Variants in FAM117B observed in about 807,000 individuals in gnomAD.
The protein encoded by FAM117B is family with sequence similarity 117 member B, also known as protein FAM117B.
A neutral mutation model predicts 52.8 loss-of-function variants in FAM117B; 22 were observed. That is an observed-to-expected ratio of 0.42 (90% CI 0.30 to 0.59). The LOEUF is 0.59. Ranked by LOEUF, FAM117B falls within the 20% of genes least tolerant of loss-of-function variation. FAM117B has a pLI of 0.22. For missense variants in FAM117B, 678 were observed against 802.6 expected, an observed-to-expected ratio of 0.84 and a Z score of 1.88; for synonymous variants, 309 against 324.1, an observed-to-expected ratio of 0.95 and a Z score of 0.50.
chr2:202,715,454 C>T lies in FAM117B; in HGVS notation c.754-9463C>T, dbSNP rs186780437. Among the ~76,000 whole-genome samples the T allele has an allele frequency of 2.1e-3, 314 of 150,466 alleles. 1 individual carries two copies. Among genetic ancestry groups the T allele is most frequent in the African/African-American group, 7.4e-3 (301 of 40,914 alleles). ...CTCACCTCCCAGACGGGGTTGCGGC[C>T]GGGCAGAGGCGCTCCTCACGTCCCA... On this transcript the variant is annotated intron_variant, in intron 2 of 7. Transcript: ENST00000392238.
chr2:202,699,426 C>CAAAAAAAAAAAAAAAAAAAAAAA (rs751190825), intron 2 of FAM117B, among the ~76,000 whole-genome samples: 9 of 17,878 alleles, frequency 5.0e-4, no homozygotes, highest in South Asian at 3.0e-3. Context: ...GACCCCATCT[C>CAAAAAAAAAAAAAAAAAAAAAAA]AAAAAAAAAA....
In FAM117B at chr2:202,755,689, A is replaced by T. The variant is rs1272903125; in HGVS notation, c.1104+8A>T. 3 of 1,607,882 alleles carry T rather than the reference A, an allele frequency of 1.9e-6. No individual in the cohort carries two copies. The African/African-American group carries it at 4.0e-5, about 22-fold the overall frequency. On this transcript the variant is annotated splice_region_variant and intron_variant, in intron 5 of 7. Coordinates refer to ENST00000392238, the MANE Select transcript of FAM117B (RefSeq NM_173511.4). ...AAGGAAGAGCAACTTATAGTAAGTG[A>T]TCTTGTATCTTAAAATCATTCTTGA...
At chr2:202,645,491 G>A (rs373863844) in intron 1 of FAM117B, among the ~76,000 whole-genome samples, 1 of 148,132 alleles carries the variant, frequency 6.8e-6, no homozygotes, top group South Asian at 2.2e-4. Flanking sequence ...GGGTTTCACT[G>A]TGTTAGCCAG....
intron 1 of FAM117B, among the ~76,000 whole-genome samples, chr2:202,663,483 ATCT>A (rs1300806240): frequency 1.3e-5 from 2 of 152,094 alleles, no homozygotes; most frequent in East Asian, 1.9e-4. Flanking sequence ...ATATGTTATA[ATCT>A]TCTCTGAAAT....
At chr2:202,747,027 G>C (rs1691646061) in intron 4 of FAM117B, among the ~76,000 whole-genome samples, 1 of 149,670 alleles carries the variant, frequency 6.7e-6, no homozygotes, top group South Asian at 2.1e-4. Context: ...CAAAAATCCT[G>C]AGCAAAATAC....
chr2:202,643,784 A>G (rs1440508827), intron 1 of FAM117B, among the ~76,000 whole-genome samples: 3 of 152,066 alleles, frequency 2.0e-5, no homozygotes, highest in African/African-American at 7.2e-5. Context: ...ATCTCAGCTC[A>G]CTGCAACCTC....
At chr2:202,682,591 A>G (rs1690478939) in intron 1 of FAM117B, among the ~76,000 whole-genome samples, 1 of 152,220 alleles carries the variant, frequency 6.6e-6, no homozygotes, top group Non-Finnish European at 1.5e-5. Context: ...TCCCGCTTCA[A>G]CAGCACAGTA....
rs112230664 is a variant in FAM117B, at chr2:202,650,929, T to C, written c.601+15141T>C. ...CAATCCGCTGACTCAAATATTAATC[T>C]CCTTTGGCAACACCCTCACAAACAA... is the stretch of plus-strand genomic sequence containing the variant. On this transcript the variant is annotated intron_variant, in intron 1 of 7. Transcript: ENST00000392238. 4.8e-3 allele frequency among the ~76,000 whole-genome samples: 737 copies of C among 152,152 alleles called. 5 individuals are homozygous for C. Among genetic ancestry groups the C allele is most frequent in the African/African-American group, 0.017 (693 of 41,488 alleles).
chr2:202,695,696 T>C (rs1315097479), intron 1 of FAM117B, among the ~76,000 whole-genome samples, 185 bp from the exon 2 acceptor site: 1 of 152,134 alleles, frequency 6.6e-6, no homozygotes, highest in East Asian at 1.9e-4. Context: ...GAAAAAACAG[T>C]GTATATAGAA....
chr2:202,744,047 A>G (rs59963282), intron 4 of FAM117B, among the ~76,000 whole-genome samples: 5,674 of 152,326 alleles, frequency 0.037, 370 homozygotes, highest in African/African-American at 0.13. Flanking sequence ...GATTTAACCC[A>G]AAAAGGTCTT....
At chr2:202,739,251 G>A (rs1471267864) in intron 4 of FAM117B, among the ~76,000 whole-genome samples, 3 of 152,052 alleles carry the variant, frequency 2.0e-5, no homozygotes, top group Non-Finnish European at 4.4e-5. Context: ...AACTTTGAAT[G>A]TTAATATTTT....
rs556161450 is a variant in FAM117B at position 202,763,309 on chromosome 2, T to C, written c.1452-2137T>C. 9.4e-4 allele frequency among the ~76,000 whole-genome samples: 143 copies of C among 152,228 alleles called. 1 individual carries two copies. The highest frequency in any genetic ancestry group is 3.3e-3 in the African/African-American group (136 of 41,538). On this transcript the variant is annotated intron_variant, in intron 7 of 7. Transcript: ENST00000392238. The stretch of plus-strand genomic sequence containing the variant: ...GGATGGTCTCGATCTCCTGACCTCA[T>C]GATCCGCTCGCCTTGGCCTCCCAAA...
chr2:202,726,407 T>A (rs764815789), intron 4 of FAM117B, 44 bp downstream of exon 4: 2 of 1,418,908 alleles, frequency 1.4e-6, no homozygotes, highest in South Asian at 2.5e-5. Flanking sequence ...GAATTTGTTG[T>A]TTTTCTGGTG....
rs1692039121 is a variant in FAM117B, at chr2:202,769,543, A to G, written c.*3779A>G. 1 of 150,594 alleles carries G rather than the reference A, an allele frequency of 6.6e-6. No individual in the cohort carries two copies. The highest frequency in any genetic ancestry group is 1.5e-5 in the Non-Finnish European group (1 of 67,276). 9.3% of individuals were successfully genotyped at this position (150,594 alleles called of 1,614,324 possible). On this transcript the variant is annotated 3_prime_UTR_variant, in exon 8 of 8. Transcript: ENST00000392238. ...CTTGTTTAAGAATAGAATTTTTTTA[A>G]CTCTTCATTTTTTGTCTCTGTGGAA...
chr2:202,747,019 A>G (rs1691645833), intron 4 of FAM117B, among the ~76,000 whole-genome samples: 1 of 152,098 alleles, frequency 6.6e-6, no homozygotes, highest in African/African-American at 2.4e-5. Context: ...CATAGATGCA[A>G]AAATCCTGAG....
chr2:202,641,151 G>A (rs1316547998), intron 1 of FAM117B, among the ~76,000 whole-genome samples: 2 of 152,206 alleles, frequency 1.3e-5, no homozygotes, highest in African/African-American at 4.8e-5. Flanking sequence ...ATAATGTGAT[G>A]AGTTTTCTGG....
At chr2:202,674,845 T>C (rs1420284320) in intron 1 of FAM117B, among the ~76,000 whole-genome samples, 1 of 152,230 alleles carries the variant, frequency 6.6e-6, no homozygotes, top group Non-Finnish European at 1.5e-5. Context: ...TTTCAATCAT[T>C]TTAAGATACA....
chr2:202,717,869 T>C (rs1691082423), intron 2 of FAM117B, among the ~76,000 whole-genome samples: 1 of 152,184 alleles, frequency 6.6e-6, no homozygotes, highest in Non-Finnish European at 1.5e-5. Flanking sequence ...TCAGCTAGGT[T>C]TGTGTCCTTT....
chr2:202,642,904 G>A (rs183273892), intron 1 of FAM117B, among the ~76,000 whole-genome samples: 1 of 152,184 alleles, frequency 6.6e-6, no homozygotes, highest in Non-Finnish European at 1.5e-5. Context: ...GTGAAATGTG[G>A]TAGGAGGAGA....
Sources: gnomAD v4.1 joint callset for allele counts (sites outside exome capture counted in the v4.1 genomes callset) on GRCh38, gnomAD v4.1.1 for gene constraint, MANE v1.5 for transcripts, NCBI Gene and HGNC (gene_info 2026-07-23, HGNC 2026-07-21) for gene names.